Variants in DNAJC10 observed in about 807,000 individuals in gnomAD.
DNAJC10 encodes the protein DnaJ heat shock protein family (Hsp40) member C10, also known as endoplasmic reticulum disulfide reductase DNAJC10.
In DNAJC10, 101 loss-of-function variants were observed where a neutral mutation model predicts 115.0. The ratio of observed to expected loss-of-function variants is 0.88; its 90% CI spans 0.75 to 1.04. The LOEUF (loss-of-function observed/expected upper bound fraction) is 1.04. DNAJC10 is among the 50% of genes least tolerant of loss of function. DNAJC10 has a pLI of 0.00. For missense variants in DNAJC10, 981 were observed against 928.8 expected, an observed-to-expected ratio of 1.06 and a Z score of -0.73; for synonymous variants, 307 against 301.5, an observed-to-expected ratio of 1.02 and a Z score of -0.19.
At chr2:182,749,914 C>T (rs1693972465) in intron 14 of DNAJC10, among the ~76,000 whole-genome samples, 1 of 152,190 alleles carries the variant, frequency 6.6e-6, no homozygotes, top group Admixed American at 6.5e-5. Context: ...GAAGTCTAGA[C>T]TGGCTACAGG....
intron 22 of DNAJC10, among the ~76,000 whole-genome samples, chr2:182,774,101 G>A (rs1285885687): frequency 1.3e-5 from 2 of 152,194 alleles, no homozygotes; most frequent in East Asian, 3.9e-4. Flanking sequence ...CTGCAGGTCT[G>A]TTGGAGTTTG....
Position 182,781,122 on chromosome 2 carries a change from C to A in DNAJC10, c.*3990C>A. On this transcript the variant is annotated 3_prime_UTR_variant, in exon 24 of 24. Coordinates refer to ENST00000264065, the MANE Select transcript of DNAJC10 (RefSeq NM_018981.4). ...TCTAATGTTGTCCTTCCCCTTGCCC[C>A]CTACCCCGCCGACAGGCCCCATTGT... is the stretch of plus-strand genomic sequence containing the variant. 1 of 152,232 alleles carries A rather than the reference C, an allele frequency of 6.6e-6. No homozygotes were observed. 9.4% of individuals were successfully genotyped at this position (152,232 alleles called of 1,614,324 possible).
chr2:182,779,784 T>G lies in DNAJC10; in HGVS notation c.*2652T>G, dbSNP rs1323595028. ...TGACAGTGCTCAAAGTGGGAATTTT[T>G]TTAGAAGTACGGTTATCAAAAAAAC... On this transcript the variant is annotated 3_prime_UTR_variant, in exon 24 of 24. Transcript: ENST00000264065. The G allele has an allele frequency of 6.6e-6, 1 of 152,182 alleles. No homozygotes were observed. Among genetic ancestry groups the G allele is most frequent in the East Asian group, 1.9e-4 (1 of 5,190 alleles). The allele number at this position is 152,182 out of a possible 1,614,324, so 9.4% of individuals were successfully genotyped here. A position where few individuals can be genotyped will look rare whatever the true frequency, so the allele number is the denominator to read the frequency against.
rs1351975517 is a variant in DNAJC10 at position 182,785,766 on chromosome 2, T to C, written c.*8634T>C. 1 of 152,146 alleles carries C rather than the reference T, an allele frequency of 6.6e-6. No homozygotes were observed. The highest frequency in any genetic ancestry group is 2.4e-5 in the African/African-American group (1 of 41,448). The allele number at this position is 152,146 out of a possible 1,614,324, so 9.4% of individuals were successfully genotyped here. ...TGATTTGAACAGACTATTGTATACA[T>C]TTATATATACATAGATCTATAGAGA... On this transcript the variant is annotated 3_prime_UTR_variant, in exon 24 of 24. Transcript: ENST00000264065.
At chr2:182,746,609 C>G (rs1016717382) in intron 14 of DNAJC10, among the ~76,000 whole-genome samples, 2 of 152,082 alleles carry the variant, frequency 1.3e-5, no homozygotes, top group Non-Finnish European at 2.9e-5. Flanking sequence ...TGTGTGAGTT[C>G]ATTGTAGATT....
At chr2:182,773,531 T>C (rs1475245917) in intron 22 of DNAJC10, among the ~76,000 whole-genome samples, 1 of 152,204 alleles carries the variant, frequency 6.6e-6, no homozygotes, top group Non-Finnish European at 1.5e-5. Context: ...CATTTCTTTT[T>C]ACTCTTTTTT....
intron 14 of DNAJC10, among the ~76,000 whole-genome samples, chr2:182,746,755 T>A (rs527810372): frequency 3.9e-5 from 6 of 152,238 alleles, no homozygotes; most frequent in Admixed American, 3.9e-4. Context: ...TTTGTCAATT[T>A]TGGCTTTTGT....
At position 182,756,501 on chromosome 2, in the gene DNAJC10, A is replaced by G. The variant is rs766911267; in HGVS notation, c.1809+32A>G. The G allele has an allele frequency of 7.2e-5, 114 of 1,573,414 alleles. No homozygotes were observed. The East Asian group carries it at 2.5e-3, about 34-fold the overall frequency. The stretch of plus-strand genomic sequence containing the variant: ...TAAAAATAGTTTATTTTAAATCTTA[A>G]CATTTACTAAGAATGTTTATTTAAC... On this transcript the variant is annotated intron_variant, in intron 18 of 23. Transcript: ENST00000264065.
At position 182,728,657 on chromosome 2, in the gene DNAJC10, C is replaced by T; in HGVS notation, c.500C>T (p.Thr167Ile). Residue 167 changes from threonine to isoleucine, a missense_variant and splice_region_variant, in exon 6 of 24, where the codon ACA becomes ATA. Physicochemically the swap from Thr to Ile is moderately conservative, Grantham distance 89. Coordinates refer to ENST00000264065, the MANE Select transcript of DNAJC10 (RefSeq NM_018981.4). ...GCSHCHDLAPTWRDFAKEVDG... is the reference protein window; with the variant it reads ...GCSHCHDLAPIWRDFAKEVDG... Reference sequence around the variant, plus strand: ...TCACACTGCCATGATTTAGCTCCCACAGTATGTATTTTTCACATCCTCATT... The same window carrying T: ...TCACACTGCCATGATTTAGCTCCCATAGTATGTATTTTTCACATCCTCATT... 1 of 1,609,964 alleles carries T rather than the reference C, an allele frequency of 6.2e-7. No homozygotes were observed.
rs1694905103 is a variant in DNAJC10 at position 182,784,194 on chromosome 2, G to T, written c.*7062G>T. On this transcript the variant is annotated 3_prime_UTR_variant, in exon 24 of 24. Transcript: ENST00000264065. ...ATACAAAAACTAGCTGGGCATGGAGGTGTGTGCCTGTAATCATCTACCCTG... is the reference window on the plus strand; with the variant it reads ...ATACAAAAACTAGCTGGGCATGGAGTTGTGTGCCTGTAATCATCTACCCTG... 1.3e-5 allele frequency: 2 copies of T among 152,024 alleles called. No homozygotes were observed. Among genetic ancestry groups the T allele is most frequent in the African/African-American group, 4.8e-5 (2 of 41,366 alleles). 9.4% of individuals were successfully genotyped at this position (152,024 alleles called of 1,614,324 possible).
intron 5 of DNAJC10, among the ~76,000 whole-genome samples, chr2:182,723,156 C>T (rs550436629): frequency 1.3e-5 from 2 of 150,728 alleles, no homozygotes; most frequent in African/African-American, 4.9e-5. Context: ...TCTCCTGCCT[C>T]AGCCTTCTGA....
chr2:182,767,762 C>A (rs1694452097), intron 22 of DNAJC10, among the ~76,000 whole-genome samples: 2 of 152,116 alleles, frequency 1.3e-5, no homozygotes, highest in Non-Finnish European at 2.9e-5. Flanking sequence ...CCACAGATAT[C>A]CACTAGATGG....
intron 22 of DNAJC10, 33 bp downstream of exon 22, chr2:182,762,834 A>C (rs1320122997): frequency 6.3e-7 from 1 of 1,595,408 alleles, no homozygotes; most frequent in Non-Finnish European, 8.5e-7. Flanking sequence ...TCCTTCCCTT[A>C]GTAGGCCAAG....
At chr2:182,764,302 A>G (rs1694357960) in intron 22 of DNAJC10, among the ~76,000 whole-genome samples, 1 of 152,148 alleles carries the variant, frequency 6.6e-6, no homozygotes, top group Non-Finnish European at 1.5e-5. Flanking sequence ...ATTATATACC[A>G]TGTGGCTTAT....
chr2:182,736,399 TTAAAC>T lies in DNAJC10; in HGVS notation c.987+17_987+21del, dbSNP rs780145521. ...AAACAGTATTTTGGTATGAATCACTTTAAACTAATTTATTTACATATAATGTGCAA... is the reference window on the plus strand; with the variant it reads ...AAACAGTATTTTGGTATGAATCACTTTAATTTATTTACATATAATGTGCAA... On this transcript the variant is annotated intron_variant, in intron 11 of 23. Coordinates refer to ENST00000264065, the MANE Select transcript of DNAJC10 (RefSeq NM_018981.4). 2 of 1,531,590 alleles carry T rather than the reference TTAAAC, an allele frequency of 1.3e-6. No homozygotes were observed. The highest frequency in any genetic ancestry group is 1.3e-5 in the South Asian group (1 of 78,996). The allele number at this position is 1,531,590 out of a possible 1,614,324, so 94.9% of individuals were successfully genotyped here.
chr2:182,751,369 C>T (rs574317382), intron 14 of DNAJC10, among the ~76,000 whole-genome samples: 9 of 151,954 alleles, frequency 5.9e-5, no homozygotes, highest in East Asian at 1.9e-4. Flanking sequence ...CTCTTGACCT[C>T]GTGATCTGCC....
intron 22 of DNAJC10, among the ~76,000 whole-genome samples, chr2:182,766,739 C>T (rs1694422401): frequency 6.6e-6 from 1 of 152,122 alleles, no homozygotes; most frequent in Non-Finnish European, 1.5e-5. Context: ...GTAGGCACCC[C>T]TCCAGCAGGG....
rs1362779952 is a variant in DNAJC10, at chr2:182,717,848, A to G, written c.-146-93A>G. The G allele has an allele frequency of 1.1e-4, 35 of 325,712 alleles. No individual in the cohort carries two copies. In the East Asian group the frequency reaches 1.9e-3, roughly 17 times the overall value. 20.2% of individuals were successfully genotyped at this position (325,712 alleles called of 1,614,324 possible). A position where few individuals can be genotyped will look rare whatever the true frequency, so the allele number is the denominator to read the frequency against. On this transcript the variant is annotated intron_variant, in intron 2 of 23. Transcript: ENST00000264065. ...TTCACACTGATTTGCCATTTAATGG[A>G]GATTGTATTGCTGACCATGTTCTGT...
rs1694762873 is a variant in DNAJC10 at position 182,778,332 on chromosome 2, AAATC to A, written c.*1203_*1206del. 1 of 152,288 alleles carries A rather than the reference AAATC, an allele frequency of 6.6e-6. No homozygotes were observed. Among genetic ancestry groups the A allele is most frequent in the Middle Eastern group, 3.4e-3 (1 of 294 alleles). 9.4% of individuals were successfully genotyped at this position (152,288 alleles called of 1,614,324 possible). The stretch of plus-strand genomic sequence containing the variant: ...AATAACTGAAGTTATTTTTATAAGA[AAATC>A]AAGTATATAAATCTAGGAAAGGGAT... On this transcript the variant is annotated 3_prime_UTR_variant, in exon 24 of 24. Transcript: ENST00000264065.
Sources: allele counts gnomAD v4.1 joint callset (sites outside exome capture counted in the v4.1 genomes callset), GRCh38; gene constraint gnomAD v4.1.1; transcripts MANE v1.5; gene names NCBI Gene and HGNC (gene_info 2026-07-23, HGNC 2026-07-21).